The following NEDD4L variants were observed in gnomAD, a reference collection of about 807,000 sequenced individuals.
NEDD4L encodes NEDD4 like E3 ubiquitin protein ligase.
Under a neutral mutation model 148.9 loss-of-function variants are expected in NEDD4L, and 54 were observed. The ratio of observed to expected loss-of-function variants is 0.36; its 90% confidence interval spans 0.29 to 0.45. NEDD4L has a LOEUF of 0.45. NEDD4L is among the 20% of genes least tolerant of loss of function. The probability of loss-of-function intolerance (pLI) is 1.00; values close to 1 mark genes in which losing one functional copy is unlikely to be tolerated. For synonymous variants in NEDD4L, 433 were observed against 440.7 expected (o/e 0.98, Z 0.22); for missense variants, 856 against 1,233.8 (o/e 0.69, Z 4.59).
rs747395439 is a variant in NEDD4L at position 58,325,088 on chromosome 18, A to G, written c.606A>G (p.Lys202=). 8 of 1,614,042 alleles carry G rather than the reference A, an allele frequency of 5.0e-6. No homozygotes were observed. In the East Asian group the frequency reaches 1.1e-4, roughly 22 times the overall value. The change falls in exon 9 of 31, where the codon AAA becomes AAG. Residue 202 remains lysine, a synonymous_variant. Coordinates refer to ENST00000400345, the MANE Select transcript of NEDD4L (RefSeq NM_001144967.3). The part of the protein sequence containing the change: ...PPPLPPGWEE[K]VDNLGRTYYV... ...CTCTGCCTCCCGGGTGGGAAGAAAA[A>G]GTGGACAATTTAGGCCGAACTTACT...
intron 25 of NEDD4L, among the ~76,000 whole-genome samples, chr18:58,384,439 A>G (rs903222522): frequency 3.3e-5 from 5 of 152,250 alleles, no homozygotes; most frequent in Non-Finnish European, 7.3e-5. Flanking sequence ...AGCTGATGAC[A>G]TCCTGGCAGA....
chr18:58,090,713 A>G (rs1373605832), intron 1 of NEDD4L: 2 of 152,106 alleles, frequency 1.3e-5, no homozygotes, highest in African/African-American at 4.8e-5. Flanking sequence ...CCTGACCTCA[A>G]TTGATCCACC....
chr18:58,382,566 C>T (rs1464443462), intron 24 of NEDD4L, among the ~76,000 whole-genome samples: 2 of 152,138 alleles, frequency 1.3e-5, no homozygotes, highest in Non-Finnish European at 2.9e-5. Flanking sequence ...TCTCCCTTCC[C>T]TCACGCTGGT....
At chr18:58,154,701 C>T (rs757552819) in intron 1 of NEDD4L, among the ~76,000 whole-genome samples, 11 of 152,172 alleles carry the variant, frequency 7.2e-5, no homozygotes, top group Admixed American at 1.3e-4. Flanking sequence ...GCACGAGAAT[C>T]GCTTGAACCC....
chr18:58,083,265 C>G (rs529053867), intron 1 of NEDD4L, among the ~76,000 whole-genome samples: 5 of 152,058 alleles, frequency 3.3e-5, no homozygotes, highest in African/African-American at 1.2e-4. Context: ...TGATTTGGCA[C>G]GAGGTACTGA....
chr18:58,105,388 A>C (rs2085011163), intron 1 of NEDD4L, among the ~76,000 whole-genome samples: 1 of 152,126 alleles, frequency 6.6e-6, no homozygotes, highest in Non-Finnish European at 1.5e-5. Context: ...TCCCCTCTCC[A>C]CCAGAGACTT....
intron 2 of NEDD4L, among the ~76,000 whole-genome samples, chr18:58,234,789 G>A (rs2148225570): frequency 6.6e-6 from 1 of 152,308 alleles, no homozygotes; most frequent in Admixed American, 6.5e-5. Context: ...CCAGTGCCAA[G>A]TTCAAGATCT....
chr18:58,165,472 TTG>T (rs1018943139), intron 1 of NEDD4L, among the ~76,000 whole-genome samples: 1 of 152,218 alleles, frequency 6.6e-6, no homozygotes, highest in African/African-American at 2.4e-5. Flanking sequence ...AGATGGTTTT[TTG>T]TGTATGATTG....
intron 5 of NEDD4L, among the ~76,000 whole-genome samples, chr18:58,309,005 C>T (rs2057367199): frequency 6.6e-6 from 1 of 152,226 alleles, no homozygotes; most frequent in South Asian, 2.1e-4. Context: ...CTGTCCTCAG[C>T]GCTGTCCTCG....
At chr18:58,380,047 G>A (rs1303302932) in intron 24 of NEDD4L, among the ~76,000 whole-genome samples, 1 of 149,650 alleles carries the variant, frequency 6.7e-6, no homozygotes, top group Non-Finnish European at 1.5e-5. Context: ...GTTAGTGTGG[G>A]CCCATTTTTT....
chr18:58,245,388 A>T, intron 2 of NEDD4L, 39 bp from the exon 3 acceptor site: 1 of 961,680 alleles, frequency 1.0e-6, no homozygotes, highest in Non-Finnish European at 1.6e-6. Flanking sequence ...TTTTGAATGA[A>T]AAGTATAATC....
At chr18:58,386,304 G>A (rs1263878794) in intron 26 of NEDD4L, among the ~76,000 whole-genome samples, 2 of 152,084 alleles carry the variant, frequency 1.3e-5, no homozygotes, top group African/African-American at 2.4e-5. Context: ...ACCCGCCCCG[G>A]CCTCCCAAAG....
chr18:58,305,840 T>G (rs2056993279), intron 5 of NEDD4L, among the ~76,000 whole-genome samples: 1 of 152,084 alleles, frequency 6.6e-6, no homozygotes, highest in Admixed American at 6.5e-5. Context: ...CATCTAAAAT[T>G]GTTGTGTCGG....
At chr18:58,301,706 G>A (rs985598584) in intron 5 of NEDD4L, among the ~76,000 whole-genome samples, 1 of 152,196 alleles carries the variant, frequency 6.6e-6, no homozygotes, top group South Asian at 2.1e-4. Context: ...TTTTCAAGCT[G>A]TTGTCTGTGA....
intron 5 of NEDD4L, among the ~76,000 whole-genome samples, chr18:58,292,208 GGCCAAGTGGCT>G (rs1352262967): frequency 2.3e-5 from 3 of 131,848 alleles, no homozygotes; most frequent in African/African-American, 9.2e-5. Flanking sequence ...TCCCACGCAA[GGCCAAGTGGCT>G]GCCAGGACTT....
intron 13 of NEDD4L, among the ~76,000 whole-genome samples, chr18:58,338,918 A>G (rs766178767): frequency 4.6e-5 from 7 of 152,200 alleles, no homozygotes; most frequent in Non-Finnish European, 1.0e-4. Context: ...TCTGTCTCAA[A>G]AAGGAAAAAA....
chr18:58,057,474 G>C (rs61011105), intron 1 of NEDD4L, among the ~76,000 whole-genome samples: 1 of 152,022 alleles, frequency 6.6e-6, no homozygotes, highest in Non-Finnish European at 1.5e-5. Flanking sequence ...GCTGAAGTCC[G>C]TCCAGGGTGA....
intron 5 of NEDD4L, among the ~76,000 whole-genome samples, chr18:58,284,230 C>T (rs1250570457): frequency 3.3e-5 from 5 of 152,132 alleles, no homozygotes; most frequent in Non-Finnish European, 1.5e-5. Context: ...TTCTTTGGAC[C>T]TAGCAAGGAG....
intron 9 of NEDD4L, among the ~76,000 whole-genome samples, chr18:58,326,323 G>A (rs2059309259): frequency 6.6e-6 from 1 of 152,158 alleles, no homozygotes; most frequent in African/African-American, 2.4e-5. Flanking sequence ...TACCCAGCAC[G>A]GGCATTAGCT....
Sources: gnomAD v4.1 joint callset for allele counts (sites outside exome capture counted in the v4.1 genomes callset) on GRCh38, gnomAD v4.1.1 for gene constraint, MANE v1.5 for transcripts, NCBI Gene and HGNC (gene_info 2026-07-23, HGNC 2026-07-21) for gene names.